The following WNT7A variants were observed in gnomAD, a reference collection of about 807,000 sequenced individuals.
WNT7A encodes protein Wnt-7a.
A neutral mutation model predicts 28.2 loss-of-function variants in WNT7A; 16 were observed. The observed-to-expected ratio is 0.57, with a 90% CI of 0.38 to 0.86. WNT7A has a LOEUF of 0.86. Ranked by LOEUF, WNT7A falls within the 40% of genes least tolerant of loss-of-function variation. The pLI is 0.00. For synonymous variants in WNT7A, 190 were observed against 195.9 expected (o/e 0.97, Z 0.25); for missense variants, 411 against 489.7 (o/e 0.84, Z 1.52).
intron 2 of WNT7A, 68 bp from the exon 3 acceptor site, chr3:13,854,871 T>A: frequency 6.3e-7 from 1 of 1,597,944 alleles, no homozygotes. Flanking sequence ...AGGCTGGGCC[T>A]GACTGAAGAG....
chr3:13,842,437 AG>A (rs1694476049), intron 3 of WNT7A, among the ~76,000 whole-genome samples: 1 of 152,054 alleles, frequency 6.6e-6, no homozygotes, highest in South Asian at 2.1e-4. Context: ...CCCTGGGGCA[AG>A]GGGACAATTG....
At chr3:13,856,939 A>G (rs897266268) in intron 2 of WNT7A, among the ~76,000 whole-genome samples, 32 of 110,524 alleles carry the variant, frequency 2.9e-4, no homozygotes, top group East Asian at 1.8e-3. Flanking sequence ...GAAGAAGAAG[A>G]AGAAGAAGAA....
chr3:13,873,471 A>AC (rs1407227105), intron 2 of WNT7A, among the ~76,000 whole-genome samples: 1 of 152,010 alleles, frequency 6.6e-6, no homozygotes, highest in East Asian at 1.9e-4. Flanking sequence ...CACCTGCAGG[A>AC]CCCCATACTG....
At chr3:13,879,359 C>G (rs1271376803) in intron 1 of WNT7A, among the ~76,000 whole-genome samples, 1 of 152,180 alleles carries the variant, frequency 6.6e-6, no homozygotes, top group Non-Finnish European at 1.5e-5. Flanking sequence ...CTGAGCTCCC[C>G]GAGATTGGCT....
At chr3:13,869,277 GGAC>G (rs1273584801) in intron 2 of WNT7A, among the ~76,000 whole-genome samples, 1 of 143,306 alleles carries the variant, frequency 7.0e-6, no homozygotes, top group African/African-American at 2.6e-5. Flanking sequence ...AGAAAAGAAA[GGAC>G]GAGAGAAAGA....
chr3:13,864,461 G>T (rs1163736540), intron 2 of WNT7A, among the ~76,000 whole-genome samples: 1 of 152,132 alleles, frequency 6.6e-6, no homozygotes, highest in Non-Finnish European at 1.5e-5. Flanking sequence ...CTCCTGGGTT[G>T]TGGACGGCCC....
At chr3:13,836,102 G>A (rs924492671) in intron 3 of WNT7A, among the ~76,000 whole-genome samples, 1 of 152,036 alleles carries the variant, frequency 6.6e-6, no homozygotes, top group Non-Finnish European at 1.5e-5. Flanking sequence ...TTGTGGTGAC[G>A]GTTGCACAAC....
At position 13,854,788 on chromosome 3, in the gene WNT7A, G is replaced by C; in HGVS notation, c.314C>G (p.Ala105Gly). The C allele has an allele frequency of 6.2e-7, 1 of 1,612,840 alleles. No homozygotes were observed. The highest frequency in any genetic ancestry group is 8.5e-7 in the Non-Finnish European group (1 of 1,180,038). ...KELKVGSREAAFTYAIIAAGV... is the reference protein window; with the variant it reads ...KELKVGSREAGFTYAIIAAGV... ...GGCGGCAATGATGGCGTAGGTGAACGCAGCCTCCCGGCTCCCTGCGAGGAG... is the reference window on the plus strand; with the variant it reads ...GGCGGCAATGATGGCGTAGGTGAACCCAGCCTCCCGGCTCCCTGCGAGGAG... The change falls in exon 3 of 4, where the codon GCG (alanine) becomes GGG (glycine). Residue 105 changes from alanine to glycine, a missense_variant. Physicochemically the swap from Ala to Gly is moderately conservative, Grantham distance 60. Transcript: ENST00000285018.
rs1046886484 is a variant in WNT7A at position 13,879,986 on chromosome 3, G to C, written c.-170C>G. The C allele has an allele frequency of 4.7e-6, 2 of 426,550 alleles. No homozygotes were observed. Among genetic ancestry groups the C allele is most frequent in the Non-Finnish European group, 7.9e-6 (2 of 253,310 alleles). 26.4% of individuals were successfully genotyped at this position (426,550 alleles called of 1,614,324 possible). A position where few individuals can be genotyped will look rare whatever the true frequency, so the allele number is the denominator to read the frequency against. On this transcript the variant is annotated 5_prime_UTR_variant, in exon 1 of 4. Transcript: ENST00000285018. ...CGCGCCTGAGCCTCGCCAGGAGCAC[G>C]GGAGCCACGGAGCGGGAGGAGGGAG...
chr3:13,848,850 C>T (rs776598395), intron 3 of WNT7A, among the ~76,000 whole-genome samples: 5 of 152,170 alleles, frequency 3.3e-5, no homozygotes, highest in Non-Finnish European at 7.3e-5. Context: ...ACCCAGACAT[C>T]CTTCAAGAGG....
intron 2 of WNT7A, among the ~76,000 whole-genome samples, chr3:13,874,257 T>A (rs1695068257): frequency 6.6e-6 from 1 of 152,244 alleles, no homozygotes. Flanking sequence ...CACGGCCTCC[T>A]GCCACTGACC....
Position 13,819,438 on chromosome 3 carries a change from G to C in WNT7A, c.571-15C>G, listed in dbSNP as rs74932997. On this transcript the variant is annotated splice_polypyrimidine_tract_variant and intron_variant, in intron 3 of 3. Transcript: ENST00000285018. Reference sequence around the variant, plus strand: ...TCCTCCAGGATCTGCAGGGGAGGGCGGGGAAGAGCACAGCACAGGTCACTG... The same window carrying C: ...TCCTCCAGGATCTGCAGGGGAGGGCCGGGAAGAGCACAGCACAGGTCACTG... 1 of 1,610,040 alleles carries C rather than the reference G, an allele frequency of 6.2e-7. No individual in the cohort carries two copies. The highest frequency in any genetic ancestry group is 8.5e-7 in the Non-Finnish European group (1 of 1,179,820).
intron 2 of WNT7A, among the ~76,000 whole-genome samples, chr3:13,872,967 A>G (rs1695048314): frequency 6.6e-6 from 1 of 152,100 alleles, no homozygotes. Context: ...GAAGCCACAA[A>G]TTTAAAACAA....
intron 2 of WNT7A, 151 bp from the exon 3 acceptor site, chr3:13,854,954 CT>C: frequency 3.8e-6 from 4 of 1,053,182 alleles, no homozygotes; most frequent in Non-Finnish European, 4.2e-6. Context: ...ACAAAGCTCC[CT>C]TTTAGGGTGA....
intron 2 of WNT7A, among the ~76,000 whole-genome samples, chr3:13,860,237 G>C (rs1436445961): frequency 2.6e-5 from 4 of 152,084 alleles, no homozygotes; most frequent in African/African-American, 9.7e-5. Flanking sequence ...AGAGTGATTT[G>C]CTGAGGTCAC....
chr3:13,844,049 G>C (rs75298918), intron 3 of WNT7A, among the ~76,000 whole-genome samples: 14,155 of 152,160 alleles, frequency 0.093, 848 homozygotes, highest in Middle Eastern at 0.2. Flanking sequence ...GCCTGGCCTT[G>C]TTGGAATCTT....
chr3:13,856,884 GA>G (rs1559303148), intron 2 of WNT7A, among the ~76,000 whole-genome samples: 43 of 71,878 alleles, frequency 6.0e-4, no homozygotes, highest in Admixed American at 1.4e-3. Context: ...AGAAGAGGAA[GA>G]AGAAGAAAAA....
chr3:13,836,181 T>C (rs1220826432), intron 3 of WNT7A, among the ~76,000 whole-genome samples: 1 of 146,254 alleles, frequency 6.8e-6, no homozygotes, highest in Non-Finnish European at 1.5e-5. Flanking sequence ...GAGAATTATA[T>C]CTCAGTAAAG....
intron 3 of WNT7A, among the ~76,000 whole-genome samples, chr3:13,830,384 T>C (rs961066150): frequency 6.6e-6 from 1 of 152,150 alleles, no homozygotes; most frequent in Non-Finnish European, 1.5e-5. Flanking sequence ...CAAGTTCCGC[T>C]GGCTTCCTCT....
Sources: gnomAD v4.1 joint callset for allele counts (sites outside exome capture counted in the v4.1 genomes callset) on GRCh38, gnomAD v4.1.1 for gene constraint, MANE v1.5 for transcripts, NCBI Gene and HGNC (gene_info 2026-07-23, HGNC 2026-07-21) for gene names.